Variants in SLC30A6 observed in about 807,000 individuals in gnomAD.
The protein encoded by SLC30A6 is zinc transporter 6.
A neutral mutation model predicts 63.0 loss-of-function variants in SLC30A6; 55 were observed. The observed-to-expected ratio is 0.87, with a 90% CI of 0.70 to 1.09. The LOEUF is 1.09. Ranked by LOEUF, SLC30A6 falls within the 50% of genes least tolerant of loss-of-function variation. The pLI, the probability that SLC30A6 is intolerant of heterozygous loss-of-function variation, is 0.00. For missense variants in SLC30A6, 587 were observed against 549.2 expected (o/e 1.07, Z -0.69); for synonymous variants, 224 against 186.1 (o/e 1.20, Z -1.66).
intron 4 of SLC30A6, among the ~76,000 whole-genome samples, chr2:32,180,173 G>A (rs1045841487): frequency 2.2e-4 from 33 of 152,124 alleles, no homozygotes; most frequent in African/African-American, 7.7e-4. Context: ...AAGCCAAGGT[G>A]AAAGGACTGC....
intron 12 of SLC30A6, among the ~76,000 whole-genome samples, chr2:32,208,049 G>T (rs1684934345): frequency 6.6e-6 from 1 of 151,722 alleles, no homozygotes; most frequent in Non-Finnish European, 1.5e-5. Context: ...GGCCAAGATG[G>T]TCTCAATCTC....
chr2:32,179,008 T>C (rs1262101921), intron 4 of SLC30A6, among the ~76,000 whole-genome samples: 2 of 152,182 alleles, frequency 1.3e-5, no homozygotes, highest in African/African-American at 2.4e-5. Flanking sequence ...CACAGGCTTG[T>C]GCCACCACAC....
intron 1 of SLC30A6, among the ~76,000 whole-genome samples, chr2:32,168,672 T>C (rs1680900791): frequency 6.6e-6 from 1 of 152,160 alleles, no homozygotes; most frequent in Non-Finnish European, 1.5e-5. Flanking sequence ...ATCTAATACT[T>C]GTTTGTCATT....
intron 13 of SLC30A6, among the ~76,000 whole-genome samples, chr2:32,213,104 G>A (rs933383256): frequency 6.6e-6 from 1 of 151,182 alleles, no homozygotes; most frequent in Non-Finnish European, 1.5e-5. Flanking sequence ...AGACAGTCTT[G>A]CTGTGTTGCC....
At chr2:32,203,273 T>TA in intron 10 of SLC30A6, 2 of 962,658 alleles carry the variant, frequency 2.1e-6, no homozygotes, top group Non-Finnish European at 3.4e-6. Flanking sequence ...TATATGTTTT[T>TA]ATCAACCAAG....
At chr2:32,190,364 CAGG>C (rs2148847741) in intron 5 of SLC30A6, among the ~76,000 whole-genome samples, 1 of 150,718 alleles carries the variant, frequency 6.6e-6, no homozygotes, top group South Asian at 2.1e-4. Context: ...GAGGCTGAGG[CAGG>C]AGAATCACTT....
chr2:32,187,022 AAAAG>A (rs1380021542), intron 5 of SLC30A6: 8 of 359,580 alleles, frequency 2.2e-5, no homozygotes, highest in Non-Finnish European at 3.8e-5. Context: ...AAAAGAAAGA[AAAAG>A]AAAAATGAGT....
chr2:32,202,374 C>T (rs1023101057), intron 10 of SLC30A6: 15 of 300,552 alleles, frequency 5.0e-5, no homozygotes, highest in African/African-American at 2.5e-4. Context: ...GACAGAATCT[C>T]GCTCTGTCGC....
rs570679748 is a variant in SLC30A6 at position 32,221,939 on chromosome 2, C to G, written c.*1226C>G. 6.6e-6 allele frequency: 1 copy of G among 152,176 alleles called. No individual in the cohort carries two copies. Among genetic ancestry groups the G allele is most frequent in the East Asian group, 1.9e-4 (1 of 5,186 alleles). The allele number at this position is 152,176 out of a possible 1,614,324, so 9.4% of individuals were successfully genotyped here. A position where few individuals can be genotyped will look rare whatever the true frequency, so the allele number is the denominator to read the frequency against. ...AAATATATCAGATATATTACCAAAA[C>G]ACATGGAGTTCCATACATAATATGG... On this transcript the variant is annotated 3_prime_UTR_variant, in exon 14 of 14. Coordinates refer to ENST00000282587, the MANE Select transcript of SLC30A6 (RefSeq NM_017964.5).
At chr2:32,171,246 T>C (rs1681175442) in intron 1 of SLC30A6, 41 bp from the exon 2 acceptor site, 1 of 1,537,974 alleles carries the variant, frequency 6.5e-7, no homozygotes, top group Non-Finnish European at 9.0e-7. Flanking sequence ...CTGAAGATGA[T>C]TAAATATCTA....
rs1686197426 is a variant in SLC30A6 at position 32,222,567 on chromosome 2, TAGTG to T, written c.*1857_*1860del. On this transcript the variant is annotated 3_prime_UTR_variant, in exon 14 of 14. Transcript: ENST00000282587. ...GACCATGTCCTAAATACCTTTTTCT[TAGTG>T]AGGAGTTGGTCATTGTCTTTGGCAT... 1 of 152,186 alleles carries T rather than the reference TAGTG, an allele frequency of 6.6e-6. No homozygotes were observed. The highest frequency in any genetic ancestry group is 2.4e-5 in the African/African-American group (1 of 41,442). 9.4% of individuals were successfully genotyped at this position (152,186 alleles called of 1,614,324 possible). A position where few individuals can be genotyped will look rare whatever the true frequency, so the allele number is the denominator to read the frequency against.
Position 32,206,946 on chromosome 2 carries a change from A to G in SLC30A6, c.816+13A>G, listed in dbSNP as rs1427459913. 5 of 1,589,674 alleles carry G rather than the reference A, an allele frequency of 3.1e-6. No individual in the cohort carries two copies. The Admixed American group carries it at 6.7e-5, about 21-fold the overall frequency. On this transcript the variant is annotated intron_variant, in intron 12 of 13. Coordinates refer to ENST00000282587, the MANE Select transcript of SLC30A6 (RefSeq NM_017964.5). ...ACTCATCAGAGAGGTAAGATGGAAT[A>G]GTAAATAAAATCATTTTATTTTATA... is the stretch of plus-strand genomic sequence containing the variant.
chr2:32,188,859 A>T (rs1284897563), intron 5 of SLC30A6, among the ~76,000 whole-genome samples: 2 of 152,214 alleles, frequency 1.3e-5, no homozygotes, highest in Non-Finnish European at 2.9e-5. Context: ...AGACCCTACC[A>T]GAAGTAACTG....
intron 1 of SLC30A6, among the ~76,000 whole-genome samples, chr2:32,171,031 G>C (rs1212732851): frequency 6.6e-6 from 1 of 152,172 alleles, no homozygotes; most frequent in Non-Finnish European, 1.5e-5. Context: ...TAAAAAGCCT[G>C]GGTTTGAATT....
chr2:32,170,290 T>C (rs991443949), intron 1 of SLC30A6, among the ~76,000 whole-genome samples: 12 of 152,322 alleles, frequency 7.9e-5, no homozygotes, highest in South Asian at 4.1e-4. Context: ...ATTACCTTGA[T>C]CAAAATACCA....
chr2:32,192,914 A>T lies in SLC30A6; in HGVS notation c.366-4A>T, dbSNP rs777200677. The T allele has an allele frequency of 6.6e-7, 1 of 1,504,556 alleles. No homozygotes were observed. Among genetic ancestry groups the T allele is most frequent in the South Asian group, 1.3e-5 (1 of 75,158 alleles). 93.2% of individuals were successfully genotyped at this position (1,504,556 alleles called of 1,614,324 possible). On this transcript the variant is annotated splice_region_variant and splice_polypyrimidine_tract_variant and intron_variant, in intron 6 of 13. Transcript: ENST00000282587. ...CTTATTTAATATATTTTTATTTCTT[A>T]TAGTGCAGAACGCTTTTTGGAACAG...
intron 10 of SLC30A6, among the ~76,000 whole-genome samples, chr2:32,200,840 A>AAAG (rs1684227607): frequency 7.3e-6 from 1 of 136,110 alleles, no homozygotes; most frequent in African/African-American, 3.1e-5. Flanking sequence ...TAAAGAAAAA[A>AAAG]ATAATAATAA....
chr2:32,175,341 G>T lies in SLC30A6; in HGVS notation c.198G>T (p.Leu66=). ...NSIALTAYTY[L]TIFDLFSLMT... is the part of the protein sequence containing the mutation. The stretch of plus-strand genomic sequence containing the variant: ...CAGCTTTAACTGCCTATACTTACCT[G>T]ACCATTTTTGATCTTTTTAGGTAAG... Residue 66 remains leucine, a synonymous_variant, in exon 4 of 14, where the codon CTG becomes CTT. Coordinates refer to ENST00000282587, the MANE Select transcript of SLC30A6 (RefSeq NM_017964.5). 1.2e-6 allele frequency: 2 copies of T among 1,611,470 alleles called. No homozygotes were observed. The highest frequency in any genetic ancestry group is 1.7e-6 in the Non-Finnish European group (2 of 1,179,278).
Position 32,220,512 on chromosome 2 carries a change from T to C in SLC30A6, c.1185T>C (p.Asn395=), listed in dbSNP as rs1290032487. Residue 395 remains asparagine, a synonymous_variant, in exon 14 of 14, where the codon AAT becomes AAC. Coordinates refer to ENST00000282587, the MANE Select transcript of SLC30A6 (RefSeq NM_017964.5). ...PEFSFNTPGK[N]VNPVILLNTQ... is the part of the protein sequence containing the mutation. ...TTTCATTTAACACTCCTGGGAAAAA[T>C]GTGAACCCAGTTATTCTTCTAAACA... The C allele has an allele frequency of 1.2e-6, 2 of 1,614,190 alleles. No individual in the cohort carries two copies. The highest frequency in any genetic ancestry group is 1.3e-5 in the African/African-American group (1 of 75,044).
Sources: allele counts gnomAD v4.1 joint callset (sites outside exome capture counted in the v4.1 genomes callset), GRCh38; gene constraint gnomAD v4.1.1; transcripts MANE v1.5; gene names NCBI Gene and HGNC (gene_info 2026-07-23, HGNC 2026-07-21).